RIC1: variants seen among roughly 807,000 people sequenced by gnomAD.
The protein encoded by RIC1 is guanine nucleotide exchange factor subunit RIC1.
RIC1 carries 88 observed loss-of-function variants against 169.0 expected under a neutral mutation model. The ratio of observed to expected loss-of-function variants is 0.52; its 90% CI spans 0.44 to 0.62. The LOEUF (loss-of-function observed/expected upper bound fraction) is 0.62. Ranked by LOEUF, RIC1 falls within the 20% of genes least tolerant of loss-of-function variation. The pLI is 0.00. For missense variants in RIC1, 1,877 were observed against 1,725.5 expected, an observed-to-expected ratio of 1.09 and a Z score of -1.56; for synonymous variants, 790 against 601.5, an observed-to-expected ratio of 1.31 and a Z score of -4.59.
chr9:5,686,174 T>C (rs964607202), intron 2 of RIC1, among the ~76,000 whole-genome samples: 1 of 151,420 alleles, frequency 6.6e-6, no homozygotes, highest in African/African-American at 2.4e-5. Flanking sequence ...TTTACACTGT[T>C]GGTGGGACTG....
chr9:5,686,896 C>G (rs893267263), intron 2 of RIC1, among the ~76,000 whole-genome samples: 19 of 152,054 alleles, frequency 1.2e-4, no homozygotes, highest in African/African-American at 4.3e-4. Flanking sequence ...CTTTGGTGTT[C>G]TGGAAGAGTC....
At chr9:5,638,420 G>C (rs1057366727) in intron 1 of RIC1, among the ~76,000 whole-genome samples, 15 of 152,136 alleles carry the variant, frequency 9.9e-5, no homozygotes, top group African/African-American at 2.9e-4. Flanking sequence ...AGTAGTATTG[G>C]TGTTCTTCTT....
intron 7 of RIC1, among the ~76,000 whole-genome samples, 170 bp from the exon 8 acceptor site, chr9:5,738,280 G>T (rs1824853591): frequency 6.6e-6 from 1 of 152,142 alleles, no homozygotes; most frequent in South Asian, 2.1e-4. Context: ...AAGTGAAATT[G>T]CTAGATTAGA....
rs928789889 is a variant in RIC1, at chr9:5,656,618, A to T, written c.180A>T (p.Ala60=). The T allele has an allele frequency of 1.2e-6, 2 of 1,608,366 alleles. No homozygotes were observed. Among genetic ancestry groups the T allele is most frequent in the South Asian group, 2.2e-5 (2 of 90,284 alleles). ...SVLIVTYKEP[A]KSSTQFGSYK... ...TAATTGTAACCTACAAGGAGCCTGCAAAATCATCTACTCAGTTTGGATCCT... is the reference window on the plus strand; with the variant it reads ...TAATTGTAACCTACAAGGAGCCTGCTAAATCATCTACTCAGTTTGGATCCT... Residue 60 remains alanine (A), a synonymous_variant, in exon 2 of 26, where the codon GCA becomes GCT. Transcript: ENST00000414202.
chr9:5,694,981 C>T (rs1821804770), intron 3 of RIC1, among the ~76,000 whole-genome samples: 1 of 152,172 alleles, frequency 6.6e-6, no homozygotes, highest in South Asian at 2.1e-4. Flanking sequence ...ACAAAAAGCC[C>T]TGCTGATAGA....
intron 3 of RIC1, among the ~76,000 whole-genome samples, chr9:5,706,101 A>G (rs1034136454): frequency 6.6e-6 from 1 of 152,164 alleles, no homozygotes; most frequent in South Asian, 2.1e-4. Context: ...ATATTGAGCC[A>G]TGGTTTCCTT....
chr9:5,709,337 A>T (rs1822792390), intron 3 of RIC1, among the ~76,000 whole-genome samples: 1 of 152,198 alleles, frequency 6.6e-6, no homozygotes, highest in Admixed American at 6.5e-5. Flanking sequence ...TTCTACGTGC[A>T]GACAGAGGTT....
At chr9:5,630,072 G>T (rs1817644909) in intron 1 of RIC1, among the ~76,000 whole-genome samples, 1 of 152,140 alleles carries the variant, frequency 6.6e-6, no homozygotes. Context: ...TTCGGAATAG[G>T]GGGTTAAAGG....
intron 1 of RIC1, among the ~76,000 whole-genome samples, chr9:5,641,297 T>C (rs1818232350): frequency 6.6e-6 from 1 of 152,066 alleles, no homozygotes; most frequent in Non-Finnish European, 1.5e-5. Flanking sequence ...TTCACTGTGT[T>C]AGCCAGGATG....
intron 1 of RIC1, among the ~76,000 whole-genome samples, chr9:5,648,156 G>T (rs574165346): frequency 6.6e-6 from 1 of 152,052 alleles, no homozygotes; most frequent in Non-Finnish European, 1.5e-5. Context: ...CTAATTTCTT[G>T]TATTTTTAGT....
chr9:5,721,891 CTTT>C (rs1261535327), intron 6 of RIC1, among the ~76,000 whole-genome samples: 1 of 141,220 alleles, frequency 7.1e-6, no homozygotes. Flanking sequence ...TTTTTGTTTT[CTTT>C]TTTTTTTTTT....
intron 2 of RIC1, among the ~76,000 whole-genome samples, chr9:5,680,323 C>A (rs1344419457): frequency 6.6e-6 from 1 of 152,134 alleles, no homozygotes; most frequent in South Asian, 2.1e-4. Flanking sequence ...GTGTCTCTGC[C>A]AGGCTTTGAT....
chr9:5,721,448 G>T lies in RIC1; in HGVS notation c.720+698G>T, dbSNP rs141464137. 9.4e-3 allele frequency among the ~76,000 whole-genome samples: 1,428 copies of T among 152,250 alleles called. 36 individuals carry two copies. Among genetic ancestry groups the T allele is most frequent in the African/African-American group, 0.033 (1,353 of 41,530 alleles). On this transcript the variant is annotated intron_variant, in intron 6 of 25. Transcript: ENST00000414202. ...GATTACCAAACCCCAGCACACACGC[G>T]CGTGCACACACACACGCTGAAGAGC...
chr9:5,738,675 G>C (rs1824886722), intron 8 of RIC1, 137 bp downstream of exon 8: 1 of 463,804 alleles, frequency 2.2e-6, no homozygotes, highest in Non-Finnish European at 3.7e-6. Flanking sequence ...GTGTAAACTG[G>C]CTCAAGTCTG....
chr9:5,661,122 G>A (rs1819426648), intron 2 of RIC1, among the ~76,000 whole-genome samples: 3 of 152,090 alleles, frequency 2.0e-5, no homozygotes, highest in Admixed American at 1.3e-4. Context: ...TGTTTGTCAG[G>A]TTTGCTAAGA....
At chr9:5,767,479 C>T (rs1304805238) in intron 21 of RIC1, among the ~76,000 whole-genome samples, 27 of 145,316 alleles carry the variant, frequency 1.9e-4, no homozygotes, top group Admixed American at 1.1e-3. Context: ...TTCATATTCT[C>T]TTTTTTTTTT....
At chr9:5,747,591 C>T in intron 12 of RIC1, 86 bp downstream of exon 12, 2 of 1,174,036 alleles carry the variant, frequency 1.7e-6, no homozygotes, top group Non-Finnish European at 2.5e-6. Flanking sequence ...CATCTGTTAA[C>T]TTCAGGCAAC....
intron 11 of RIC1, 61 bp from the exon 12 acceptor site, chr9:5,747,241 T>C (rs1340710896): frequency 5.4e-6 from 7 of 1,293,854 alleles, no homozygotes; most frequent in African/African-American, 1.5e-5. Context: ...GCCTGCGTAA[T>C]ATTGAGTTGT....
At chr9:5,670,394 A>G (rs112333694) in intron 2 of RIC1, among the ~76,000 whole-genome samples, 1,927 of 152,284 alleles carry the variant, frequency 0.013, 53 homozygotes, top group African/African-American at 0.044. Context: ...CCCTCCTACT[A>G]TGAATTTTAA....
Sources: gnomAD v4.1 joint callset for allele counts (sites outside exome capture counted in the v4.1 genomes callset) on GRCh38, gnomAD v4.1.1 for gene constraint, MANE v1.5 for transcripts, NCBI Gene and HGNC (gene_info 2026-07-23, HGNC 2026-07-21) for gene names.